Variants in NUP160 observed in about 807,000 individuals in gnomAD.
NUP160 encodes nucleoporin 160.
A neutral mutation model predicts 196.9 loss-of-function variants in NUP160; 94 were observed. That is an observed-to-expected ratio of 0.48 (90% CI 0.40 to 0.57). NUP160 has a LOEUF of 0.57. Ranked by LOEUF, NUP160 falls within the 20% of genes least tolerant of loss-of-function variation. NUP160 has a pLI of 0.00. For synonymous variants in NUP160, 605 were observed against 619.7 expected (o/e 0.98, Z 0.35); for missense variants, 1,638 against 1,748.3 (o/e 0.94, Z 1.13).
intron 9 of NUP160, 152 bp from the exon 10 acceptor site, chr11:47,819,610 G>T (rs1851816206): frequency 4.2e-6 from 2 of 474,958 alleles, no homozygotes; most frequent in Non-Finnish European, 3.8e-6. Flanking sequence ...TTTTAAATAA[G>T]AAAGAAAGAA....
intron 10 of NUP160, 30 bp downstream of exon 10, chr11:47,819,344 C>T (rs1418784534): frequency 3.6e-6 from 5 of 1,389,456 alleles, no homozygotes; most frequent in South Asian, 1.2e-5. Context: ...GTAAATCATT[C>T]CCTTATATAA....
At chr11:47,823,100 G>T (rs1851897202) in intron 7 of NUP160, among the ~76,000 whole-genome samples, 2 of 152,166 alleles carry the variant, frequency 1.3e-5, no homozygotes, top group Admixed American at 6.6e-5. Flanking sequence ...TGGGATGGCT[G>T]GGTCAAATGG....
chr11:47,836,078 C>G (rs1161138251), intron 6 of NUP160, among the ~76,000 whole-genome samples: 1 of 152,128 alleles, frequency 6.6e-6, no homozygotes, highest in Non-Finnish European at 1.5e-5. Context: ...GAAACCCCAT[C>G]TCTACTAAAA....
intron 5 of NUP160, 61 bp downstream of exon 5, chr11:47,837,484 C>T (rs374035436): frequency 9.1e-5 from 114 of 1,258,742 alleles, no homozygotes; most frequent in African/African-American, 1.0e-4. Flanking sequence ...CAATAACTGC[C>T]GACCAGTGCA....
At chr11:47,798,196 C>A in exon 25 of NUP160, 1 of 1,612,462 alleles carries the variant, frequency 6.2e-7, no homozygotes. Context: ...TGGGTTAAGG[C>A]TTCATATGCT....
chr11:47,792,360 C>A, intron 28 of NUP160: 1 of 226,546 alleles, frequency 4.4e-6, no homozygotes, highest in Non-Finnish European at 8.5e-6. Flanking sequence ...ACTGCATTAA[C>A]AAACACAATA....
chr11:47,798,334 TAAAGA>T, intron 24 of NUP160, 29 bp downstream of exon 24: 1 of 1,561,330 alleles, frequency 6.4e-7, no homozygotes, highest in Admixed American at 1.7e-5. Flanking sequence ...CAACAAACCT[TAAAGA>T]AAACAACCAA....
At chr11:47,803,988 C>T (rs2097675960) in intron 21 of NUP160, among the ~76,000 whole-genome samples, 1 of 152,110 alleles carries the variant, frequency 6.6e-6, no homozygotes, top group African/African-American at 2.4e-5. Context: ...CGAGACCAGC[C>T]TCGCCAACAT....
chr11:47,807,367 T>C (rs753035511), intron 18 of NUP160, among the ~76,000 whole-genome samples: 3 of 152,106 alleles, frequency 2.0e-5, no homozygotes, highest in African/African-American at 4.8e-5. Flanking sequence ...GTTTATCTTA[T>C]TGAAAATGTG....
At chr11:47,810,943 A>G (rs1179748629) in intron 17 of NUP160, among the ~76,000 whole-genome samples, 1 of 152,202 alleles carries the variant, frequency 6.6e-6, no homozygotes, top group African/African-American at 2.4e-5. Context: ...CTATTTACAC[A>G]TTAATATGAA....
At chr11:47,833,567 A>G (rs1053382166) in intron 7 of NUP160, among the ~76,000 whole-genome samples, 2 of 152,226 alleles carry the variant, frequency 1.3e-5, no homozygotes, top group African/African-American at 4.8e-5. Context: ...CTATGATTTC[A>G]GAAAACTTCG....
Position 47,818,544 on chromosome 11 carries a change from C to CAAA in NUP160, c.1363-423_1363-421dup, listed in dbSNP as rs1353607630. On this transcript the variant is annotated intron_variant, in intron 10 of 35. Transcript: ENST00000378460. ...AGTAATAATAGGTATTATATGCAAA[C>CAAA]AAAACAAAACAAAACAAAACAAACA... Among the ~76,000 whole-genome samples the CAAA allele has an allele frequency of 4.0e-5, 5 of 126,070 alleles. No homozygotes were observed. The East Asian group carries it at 9.6e-4, about 24-fold the overall frequency. The allele number at this position is 126,070 out of a possible 152,430, so 82.7% of individuals were successfully genotyped here. A position where few individuals can be genotyped will look rare whatever the true frequency, so the allele number is the denominator to read the frequency against.
chr11:47,806,413 G>T (rs2097677665), intron 19 of NUP160, 101 bp from the exon 20 acceptor site: 3 of 921,956 alleles, frequency 3.3e-6, no homozygotes, highest in Non-Finnish European at 4.9e-6. Flanking sequence ...AAACAATTTA[G>T]CACTTCAAAA....
intron 7 of NUP160, among the ~76,000 whole-genome samples, chr11:47,834,879 G>A (rs1011177328): frequency 2.0e-5 from 3 of 152,122 alleles, no homozygotes; most frequent in African/African-American, 7.2e-5. Context: ...GGTGCAGGAT[G>A]GAAACTCAGG....
At chr11:47,795,073 C>T (rs2097670113) in intron 27 of NUP160, among the ~76,000 whole-genome samples, 2 of 151,852 alleles carry the variant, frequency 1.3e-5, no homozygotes, top group African/African-American at 2.4e-5. Flanking sequence ...GCACTCCAGG[C>T]TGATCGATAG....
At position 47,847,927 on chromosome 11, in the gene NUP160, A is replaced by AT; in HGVS notation, c.234dup (p.Tyr79IlefsTer3). 1 of 1,614,108 alleles carries AT rather than the reference A, an allele frequency of 6.2e-7. No homozygotes were observed. The highest frequency in any genetic ancestry group is 8.5e-7 in the Non-Finnish European group (1 of 1,180,020). On this transcript the variant is annotated frameshift_variant, in exon 2 of 36. Transcript: ENST00000378460. LOFTEE classifies it high-confidence loss of function. ...TAAAAGCCTCCCGCGCTTTCACTGT[A>AT]TTTTACGGCGCCAGCCACGGCATTT...
At chr11:47,794,194 A>G (rs1022453139) in intron 27 of NUP160, among the ~76,000 whole-genome samples, 1 of 152,194 alleles carries the variant, frequency 6.6e-6, no homozygotes, top group Non-Finnish European at 1.5e-5. Context: ...CAAACTGTAC[A>G]CTTAAAAATG....
intron 2 of NUP160, among the ~76,000 whole-genome samples, chr11:47,846,141 GAA>G (rs577714628): frequency 6.4e-5 from 6 of 93,764 alleles, no homozygotes; most frequent in African/African-American, 3.8e-5. Flanking sequence ...CTCTCAAAAA[GAA>G]AAAAAAAAAA....
intron 7 of NUP160, among the ~76,000 whole-genome samples, chr11:47,830,418 TC>T (rs1398058206): frequency 6.6e-6 from 1 of 152,188 alleles, no homozygotes; most frequent in Non-Finnish European, 1.5e-5. Context: ...ACATGAATGT[TC>T]ATTACAGCAC....
Sources: gnomAD v4.1 joint callset for allele counts (sites outside exome capture counted in the v4.1 genomes callset) on GRCh38, gnomAD v4.1.1 for gene constraint, MANE v1.5 for transcripts, NCBI Gene and HGNC (gene_info 2026-07-23, HGNC 2026-07-21) for gene names.